The following DACH1 variants were observed in gnomAD, a reference collection of about 807,000 sequenced individuals.
DACH1 encodes the protein dachshund homolog 1.
Under a neutral mutation model 54.2 loss-of-function variants are expected in DACH1, and 12 were observed. That is an observed-to-expected ratio of 0.22 (90% confidence interval 0.14 to 0.36). The LOEUF (loss-of-function observed/expected upper bound fraction) is 0.36, where lower values mean the gene tolerates loss of function less well. Among genes scored for constraint, DACH1 ranks in the 10% least tolerant of loss-of-function variants. The pLI, the probability that DACH1 is intolerant of heterozygous loss-of-function variation, is 1.00. For synonymous variants in DACH1, 386 were observed against 366.2 expected (o/e 1.05, Z -0.62); for missense variants, 805 against 929.8 (o/e 0.87, Z 1.75).
At chr13:71,792,079 T>C (rs546913218) in intron 1 of DACH1, among the ~76,000 whole-genome samples, 292 of 152,260 alleles carry the variant, frequency 1.9e-3, no homozygotes, top group African/African-American at 6.6e-3. Context: ...CTTCTTAGCT[T>C]CTTATCCTGT....
In DACH1 at chr13:71,651,674, C is replaced by A. The variant is rs112570172; in HGVS notation, c.965-20957G>T. The stretch of plus-strand genomic sequence containing the variant: ...CATGTATATGTATCTGTATCTGTAT[C>A]TGTATCTGTATATGTATATGTATAT... On this transcript the variant is annotated intron_variant, in intron 2 of 10. Transcript: ENST00000613252. Among the ~76,000 whole-genome samples, 422 of 135,974 alleles carry A rather than the reference C, an allele frequency of 3.1e-3. 2 individuals carry two copies. The highest frequency in any genetic ancestry group is 0.012 in the African/African-American group (392 of 31,376). The allele number at this position is 135,974 out of a possible 152,430, so 89.2% of individuals were successfully genotyped here. A position where few individuals can be genotyped will look rare whatever the true frequency, so the allele number is the denominator to read the frequency against.
chr13:71,771,316 GATAAATAAATAAATAA>G lies in DACH1; in HGVS notation c.849-89422_849-89407del, dbSNP rs35368673. Among the ~76,000 whole-genome samples the G allele has an allele frequency of 5.7e-4, 45 of 78,954 alleles. No individual in the cohort carries two copies. In the Middle Eastern group the frequency reaches 0.019, roughly 33 times the overall value. The allele number at this position is 78,954 out of a possible 152,430, so 51.8% of individuals were successfully genotyped here. The stretch of plus-strand genomic sequence containing the variant: ...CAGCAAATGCAAAAAGAAGCAAAAG[GATAAATAAATAAATAA>G]ATAAATAAATAAATAAATAAATAAA... On this transcript the variant is annotated intron_variant, in intron 1 of 10. Coordinates refer to ENST00000613252, the MANE Select transcript of DACH1 (RefSeq NM_080759.6).
chr13:71,629,363 C>G (rs1250248580), intron 3 of DACH1, among the ~76,000 whole-genome samples: 2 of 152,216 alleles, frequency 1.3e-5, no homozygotes, highest in Non-Finnish European at 1.5e-5. Flanking sequence ...ACTCTCCATT[C>G]AAATCCACTA....
chr13:71,756,794 G>A (rs1885179604), intron 1 of DACH1, among the ~76,000 whole-genome samples: 3 of 151,942 alleles, frequency 2.0e-5, no homozygotes, highest in Non-Finnish European at 4.4e-5. Context: ...TTTTCTAAAG[G>A]AAAAATCATA....
chr13:71,465,937 T>A (rs1170176801), intron 10 of DACH1, among the ~76,000 whole-genome samples: 3 of 152,176 alleles, frequency 2.0e-5, no homozygotes, highest in African/African-American at 7.2e-5. Flanking sequence ...TAAAAAGATG[T>A]AAGTGGGCAT....
At chr13:71,818,734 A>T (rs1377546745) in intron 1 of DACH1, among the ~76,000 whole-genome samples, 1 of 152,228 alleles carries the variant, frequency 6.6e-6, no homozygotes, top group African/African-American at 2.4e-5. Context: ...ACAAACAAAA[A>T]GGTAAAGTAA....
rs575932004 is a variant in DACH1 at position 71,535,542 on chromosome 13, T to A, written c.1570+21482A>T. 3.3e-5 allele frequency among the ~76,000 whole-genome samples: 5 copies of A among 152,090 alleles called. No homozygotes were observed. The East Asian group carries it at 9.7e-4, about 29-fold the overall frequency. ...TTCCTTAATTAACAAATATGGTAAATTCCTTCAGCAGTTCAAAGGGTTAAA... is the reference window on the plus strand; with the variant it reads ...TTCCTTAATTAACAAATATGGTAAAATCCTTCAGCAGTTCAAAGGGTTAAA... On this transcript the variant is annotated intron_variant, in intron 6 of 10. Coordinates refer to ENST00000613252, the MANE Select transcript of DACH1 (RefSeq NM_080759.6).
chr13:71,700,834 T>C (rs964250120), intron 1 of DACH1, among the ~76,000 whole-genome samples: 1 of 152,190 alleles, frequency 6.6e-6, no homozygotes, highest in South Asian at 2.1e-4. Flanking sequence ...TTCCAAACTT[T>C]CCACATCCCT....
chr13:71,611,257 G>A lies in DACH1; in HGVS notation c.1126+19299C>T, dbSNP rs956324369. On this transcript the variant is annotated intron_variant, in intron 3 of 10. Transcript: ENST00000613252. ...GCATTTGGAATAAACAGGAATTTGC[G>A]GTTTGTTATAATTTTAGATTTTAAA... 3.9e-5 allele frequency among the ~76,000 whole-genome samples: 6 copies of A among 152,028 alleles called. No individual in the cohort carries two copies. The East Asian group carries it at 5.8e-4, about 15-fold the overall frequency.
rs550866064 is a variant in DACH1, at chr13:71,772,405, C to G, written c.849-90495G>C. Among the ~76,000 whole-genome samples, 51 of 151,672 alleles carry G rather than the reference C, an allele frequency of 3.4e-4. No homozygotes were observed. The South Asian group carries it at 9.7e-3, about 29-fold the overall frequency. On this transcript the variant is annotated intron_variant, in intron 1 of 10. Coordinates refer to ENST00000613252, the MANE Select transcript of DACH1 (RefSeq NM_080759.6). ...CTTTAATAAATTAAAGTGCAGAGAG[C>G]TTTTTTTCACCAGGCAGAAAAAGCT...
intron 6 of DACH1, among the ~76,000 whole-genome samples, chr13:71,542,765 T>C (rs998798025): frequency 6.6e-6 from 1 of 152,164 alleles, no homozygotes; most frequent in African/African-American, 2.4e-5. Flanking sequence ...AGTTTCTCAC[T>C]GTACCATCCA....
intron 1 of DACH1, among the ~76,000 whole-genome samples, chr13:71,708,314 A>G (rs1431336932): frequency 6.6e-6 from 1 of 152,156 alleles, no homozygotes; most frequent in East Asian, 1.9e-4. Context: ...TTCATTTATT[A>G]AGTTTTTCAC....
At chr13:71,810,947 A>G (rs1887684793) in intron 1 of DACH1, among the ~76,000 whole-genome samples, 1 of 152,142 alleles carries the variant, frequency 6.6e-6, no homozygotes. Flanking sequence ...CCAATATCCC[A>G]GCTCAACAGG....
chr13:71,744,715 A>G (rs946473566), intron 1 of DACH1, among the ~76,000 whole-genome samples: 3 of 152,216 alleles, frequency 2.0e-5, no homozygotes, highest in Admixed American at 2.0e-4. Flanking sequence ...AAACATTTCT[A>G]TGAAAACTAT....
At chr13:71,696,189 T>G (rs1336027781) in intron 1 of DACH1, among the ~76,000 whole-genome samples, 1 of 152,148 alleles carries the variant, frequency 6.6e-6, no homozygotes, top group Non-Finnish European at 1.5e-5. Context: ...CACCTGCACA[T>G]GTACCCCCAA....
chr13:71,580,390 C>A (rs1017135997), intron 3 of DACH1, among the ~76,000 whole-genome samples: 3 of 152,018 alleles, frequency 2.0e-5, no homozygotes, highest in African/African-American at 7.2e-5. Flanking sequence ...GATTTATAAT[C>A]ACATTAAATA....
chr13:71,504,774 T>C (rs1880183362), intron 6 of DACH1, among the ~76,000 whole-genome samples: 2 of 152,314 alleles, frequency 1.3e-5, no homozygotes, highest in Middle Eastern at 6.8e-3. Flanking sequence ...GTTCAATGTA[T>C]ATCAAGCTAC....
intron 3 of DACH1, among the ~76,000 whole-genome samples, chr13:71,603,176 AT>A (rs1369004176): frequency 2.0e-5 from 3 of 152,048 alleles, no homozygotes; most frequent in African/African-American, 2.4e-5. Flanking sequence ...GAAAAATTGA[AT>A]TTTTTTGACA....
chr13:71,477,080 T>TTATATATATATATA (rs1555285118), intron 8 of DACH1, among the ~76,000 whole-genome samples: 2 of 46,254 alleles, frequency 4.3e-5, no homozygotes, highest in Non-Finnish European at 8.5e-5. Context: ...GTTTTTATTA[T>TTATATATATATATA]TATATATATA....
Sources: gnomAD v4.1 joint callset for allele counts (sites outside exome capture counted in the v4.1 genomes callset) on GRCh38, gnomAD v4.1.1 for gene constraint, MANE v1.5 for transcripts, NCBI Gene and HGNC (gene_info 2026-07-23, HGNC 2026-07-21) for gene names.